COL5A2: variants seen among roughly 807,000 people sequenced by gnomAD.
The protein encoded by COL5A2 is collagen type V alpha 2 chain, also known as collagen alpha-2(V) chain.
A neutral mutation model predicts 208.2 loss-of-function variants in COL5A2; 23 were observed. The observed-to-expected ratio is 0.11, with a 90% confidence interval of 0.08 to 0.16. The LOEUF (loss-of-function observed/expected upper bound fraction) is 0.16. Ranked by LOEUF, COL5A2 falls within the 10% of genes least tolerant of loss-of-function variation. The probability of loss-of-function intolerance (pLI) is 1.00; values close to 1 mark genes in which losing one functional copy is unlikely to be tolerated. For missense variants in COL5A2, 1,590 were observed against 1,956.4 expected, an observed-to-expected ratio of 0.81 and a Z score of 3.53; for synonymous variants, 625 against 628.5, an observed-to-expected ratio of 0.99 and a Z score of 0.08.
chr2:189,432,604 AG>A, the COL5A2 span, among the ~76,000 whole-genome samples: 3 of 152,230 alleles, frequency 2.0e-5, no homozygotes, highest in African/African-American at 7.2e-5. Context: ...ATAAAGGTAA[AG>A]GGATCAAATC....
At chr2:189,310,015 C>A in the COL5A2 span, among the ~76,000 whole-genome samples, 2 of 152,280 alleles carry the variant, frequency 1.3e-5, no homozygotes, top group African/African-American at 4.8e-5. Context: ...TTGTTAAACA[C>A]ACAGCAATTC....
intron 1 of COL5A2, among the ~76,000 whole-genome samples, chr2:189,113,925 C>A (rs1354493662): frequency 6.6e-6 from 1 of 152,016 alleles, no homozygotes; most frequent in African/African-American, 2.4e-5. Flanking sequence ...AATAAAAAGA[C>A]ACATTGTCTC....
At chr2:189,277,284 T>C in the COL5A2 span, among the ~76,000 whole-genome samples, 1 of 152,128 alleles carries the variant, frequency 6.6e-6, no homozygotes, top group South Asian at 2.1e-4. Context: ...AAGGACTATA[T>C]ACAAATGTAA....
At chr2:189,370,121 G>A in the COL5A2 span, among the ~76,000 whole-genome samples, 4 of 152,142 alleles carry the variant, frequency 2.6e-5, no homozygotes, top group Admixed American at 6.6e-5. Flanking sequence ...AATTTTCTCC[G>A]TCATCTCATC....
intron 1 of COL5A2, among the ~76,000 whole-genome samples, chr2:189,201,941 T>G (rs1447330564): frequency 6.6e-6 from 1 of 151,576 alleles, no homozygotes; most frequent in East Asian, 1.9e-4. Context: ...TATAAAACAT[T>G]TTTAAATCTA....
At chr2:189,410,730 A>G in the COL5A2 span, among the ~76,000 whole-genome samples, 1 of 152,172 alleles carries the variant, frequency 6.6e-6, no homozygotes, top group Non-Finnish European at 1.5e-5. Context: ...TTATGTTTAC[A>G]TAACAAAACA....
chr2:189,227,834 T>C (rs1210005446), upstream of COL5A2, among the ~76,000 whole-genome samples: 3 of 151,924 alleles, frequency 2.0e-5, no homozygotes, highest in African/African-American at 7.2e-5. Context: ...AACAGAGGAC[T>C]TGAAGAACAC....
chr2:189,172,968 C>CTTTTTTT (rs11286911), intron 1 of COL5A2, among the ~76,000 whole-genome samples: 17 of 96,528 alleles, frequency 1.8e-4, no homozygotes, highest in East Asian at 6.4e-4. Context: ...TTTTCCTCTT[C>CTTTTTTT]TTTTTTTTTT....
chr2:189,437,826 G>A, the COL5A2 span, among the ~76,000 whole-genome samples: 2 of 152,086 alleles, frequency 1.3e-5, no homozygotes, highest in Admixed American at 1.3e-4. Context: ...GATGTAATCT[G>A]CTTGAAGATG....
chr2:189,369,966 G>T, the COL5A2 span, among the ~76,000 whole-genome samples: 4 of 152,140 alleles, frequency 2.6e-5, no homozygotes, highest in Non-Finnish European at 4.4e-5. Flanking sequence ...TTATTGGGCA[G>T]GTAATAATAA....
chr2:189,069,235 CAGT>C (rs2105606660), intron 18 of COL5A2, among the ~76,000 whole-genome samples: 1 of 152,266 alleles, frequency 6.6e-6, no homozygotes, highest in East Asian at 1.9e-4. Context: ...ACATATTAAA[CAGT>C]TTAGATAATC....
chr2:189,164,044 G>C (rs1423645730), intron 1 of COL5A2, among the ~76,000 whole-genome samples: 6 of 152,138 alleles, frequency 3.9e-5, no homozygotes, highest in Non-Finnish European at 7.3e-5. Context: ...CACAAGTAGA[G>C]AGTCTTAAAA....
intron 1 of COL5A2, among the ~76,000 whole-genome samples, chr2:189,215,522 C>T (rs138541716): frequency 6.6e-6 from 1 of 151,884 alleles, no homozygotes; most frequent in Non-Finnish European, 1.5e-5. Flanking sequence ...TTAAATAAAA[C>T]ATTAAAATTA....
chr2:189,032,727 AT>A lies in COL5A2; in HGVS notation c.*1342del, dbSNP rs1163906258. On this transcript the variant is annotated 3_prime_UTR_variant, in exon 54 of 54. Coordinates refer to ENST00000374866, the MANE Select transcript of COL5A2 (RefSeq NM_000393.5). ...AAGAAGCATGCAAGTATTACAAAGCATTCCAGATACAGTATGACAGAGGAAC... is the reference window on the plus strand; with the variant it reads ...AAGAAGCATGCAAGTATTACAAAGCATCCAGATACAGTATGACAGAGGAAC... 2 of 152,604 alleles carry A rather than the reference AT, an allele frequency of 1.3e-5. No homozygotes were observed. Among genetic ancestry groups the A allele is most frequent in the African/African-American group, 4.8e-5 (2 of 41,464 alleles). 9.5% of individuals were successfully genotyped at this position (152,604 alleles called of 1,614,324 possible). A position where few individuals can be genotyped will look rare whatever the true frequency, so the allele number is the denominator to read the frequency against.
the COL5A2 span, among the ~76,000 whole-genome samples, chr2:189,392,126 G>A: frequency 2.0e-4 from 30 of 152,208 alleles, no homozygotes; most frequent in Non-Finnish European, 2.9e-4. Flanking sequence ...TTACATTTAT[G>A]TATCAAGTTA....
intron 5 of COL5A2, chr2:189,097,798 C>T (rs1039933814): frequency 7.2e-6 from 3 of 415,760 alleles, no homozygotes; most frequent in Non-Finnish European, 1.4e-5. Flanking sequence ...CATCACTGTT[C>T]AAGTTGCTGA....
At chr2:189,120,446 C>A (rs1687477814) in intron 1 of COL5A2, among the ~76,000 whole-genome samples, 1 of 152,104 alleles carries the variant, frequency 6.6e-6, no homozygotes, top group African/African-American at 2.4e-5. Context: ...TTAACTACAA[C>A]TAAGTCTGGG....
At chr2:189,410,399 C>A in the COL5A2 span, among the ~76,000 whole-genome samples, 1 of 151,820 alleles carries the variant, frequency 6.6e-6, no homozygotes, top group Non-Finnish European at 1.5e-5. Context: ...CCCATCTCTA[C>A]AAGAAAATGA....
chr2:189,120,373 G>A (rs192781047), intron 1 of COL5A2, among the ~76,000 whole-genome samples: 3 of 152,042 alleles, frequency 2.0e-5, no homozygotes, highest in Admixed American at 6.6e-5. Context: ...TGAATTATTG[G>A]TCCTTATCTT....
Sources: allele counts gnomAD v4.1 joint callset (sites outside exome capture counted in the v4.1 genomes callset), GRCh38; gene constraint gnomAD v4.1.1; transcripts MANE v1.5; gene names NCBI Gene and HGNC (gene_info 2026-07-23, HGNC 2026-07-21).